Variants in NETO1 observed in about 807,000 individuals in gnomAD.
NETO1 encodes neuropilin and tolloid like 1, also known as neuropilin and tolloid-like protein 1.
NETO1 carries 26 observed loss-of-function variants against 61.3 expected under a neutral mutation model. The observed-to-expected ratio is 0.42, with a 90% CI of 0.31 to 0.59. The LOEUF (loss-of-function observed/expected upper bound fraction) is 0.59. NETO1 is among the 20% of genes least tolerant of loss of function. The pLI, the probability that NETO1 is intolerant of heterozygous loss-of-function variation, is 0.12. For synonymous variants in NETO1, 225 were observed against 225.8 expected (o/e 1.00, Z 0.03); for missense variants, 531 against 662.8 (o/e 0.80, Z 2.18).
intron 7 of NETO1, among the ~76,000 whole-genome samples, chr18:72,757,955 G>A (rs540066257): frequency 6.6e-6 from 1 of 152,180 alleles, no homozygotes; most frequent in East Asian, 1.9e-4. Flanking sequence ...TATACGTTTT[G>A]AAAGTATAAT....
intron 7 of NETO1, among the ~76,000 whole-genome samples, chr18:72,777,127 C>A (rs1164554107): frequency 6.6e-6 from 1 of 152,144 alleles, no homozygotes; most frequent in East Asian, 1.9e-4. Flanking sequence ...GCTCAAGAAT[C>A]ATTTTCTTGG....
intron 4 of NETO1, among the ~76,000 whole-genome samples, chr18:72,832,793 A>G (rs1200565414): frequency 6.6e-6 from 1 of 152,212 alleles, no homozygotes; most frequent in Non-Finnish European, 1.5e-5. Context: ...GTTGAGGTTT[A>G]TATGCATATT....
rs1198041575 is a variant in NETO1 at position 72,783,804 on chromosome 18, C to A, written c.742G>T (p.Ala248Ser). 6.2e-7 allele frequency: 1 copy of A among 1,614,102 alleles called. No homozygotes were observed. Among genetic ancestry groups the A allele is most frequent in the Non-Finnish European group, 8.5e-7 (1 of 1,180,044 alleles). Reference protein sequence around the residue: ...DGSSSVEDLKAKFCSTVANDV... With the variant: ...DGSSSVEDLKSKFCSTVANDV... ...TTAGCCACAGTGCTACAGAACTTAG[C>A]TTTCAAATCCTCCACGGAACTGCTT... is the stretch of plus-strand genomic sequence containing the variant. Residue 248 changes from alanine to serine, a missense_variant, in exon 7 of 11, where the codon GCT (alanine) becomes TCT (serine). Coordinates refer to ENST00000327305, the MANE Select transcript of NETO1 (RefSeq NM_138966.5).
At chr18:72,831,339 C>A (rs1255201468) in intron 4 of NETO1, among the ~76,000 whole-genome samples, 1 of 152,194 alleles carries the variant, frequency 6.6e-6, no homozygotes, top group African/African-American at 2.4e-5. Flanking sequence ...CATAGAATTA[C>A]AGTCTGGTGT....
intron 8 of NETO1, among the ~76,000 whole-genome samples, chr18:72,752,447 G>A (rs867054714): frequency 1.3e-5 from 2 of 152,172 alleles, no homozygotes; most frequent in Non-Finnish European, 2.9e-5. Flanking sequence ...GTCCAAGGCG[G>A]TGGCCTCTGT....
Position 72,794,359 on chromosome 18 carries a change from C to T in NETO1, c.511+4G>A. 1.2e-6 allele frequency: 2 copies of T among 1,612,720 alleles called. No homozygotes were observed. Among genetic ancestry groups the T allele is most frequent in the African/African-American group, 2.7e-5 (2 of 74,850 alleles). On this transcript the variant is annotated splice_donor_region_variant and intron_variant, in intron 5 of 10. Coordinates refer to ENST00000327305, the MANE Select transcript of NETO1 (RefSeq NM_138966.5). ...GAACAGTATTAAATATCTATTTTAC[C>T]AACCTGGTAATGGTTTCAAAGCTCC...
chr18:72,843,679 G>GA (rs1208970180), intron 4 of NETO1, among the ~76,000 whole-genome samples: 3 of 152,074 alleles, frequency 2.0e-5, no homozygotes, highest in East Asian at 1.9e-4. Flanking sequence ...CCATAATTCA[G>GA]AAAAAAACGT....
In NETO1 at chr18:72,743,801, T is replaced by A. The variant is rs2070376275; in HGVS notation, c.*4378A>T. 6.6e-6 allele frequency: 1 copy of A among 152,206 alleles called. No homozygotes were observed. Among genetic ancestry groups the A allele is most frequent in the Admixed American group, 6.5e-5 (1 of 15,274 alleles). 9.4% of individuals were successfully genotyped at this position (152,206 alleles called of 1,614,324 possible). On this transcript the variant is annotated 3_prime_UTR_variant, in exon 11 of 11. Transcript: ENST00000327305. ...GTTTTATTTTAAATAATTTATACAT[T>A]GTTTTCTGGTCATTTTTAAGTTTTG... is the stretch of plus-strand genomic sequence containing the variant.
chr18:72,824,001 C>A (rs745834607), intron 4 of NETO1, among the ~76,000 whole-genome samples: 1 of 152,180 alleles, frequency 6.6e-6, no homozygotes, highest in Admixed American at 6.5e-5. Flanking sequence ...GCCTGACTTG[C>A]GTTTTCAAAC....
chr18:72,772,857 A>C (rs1169602466), intron 7 of NETO1, among the ~76,000 whole-genome samples: 1,303 of 92,856 alleles, frequency 0.014, 58 homozygotes, highest in Middle Eastern at 0.03. Flanking sequence ...ATATATATAT[A>C]TATATATATA....
chr18:72,843,659 G>A (rs544379736), intron 4 of NETO1, among the ~76,000 whole-genome samples: 105 of 152,254 alleles, frequency 6.9e-4, no homozygotes, highest in Non-Finnish European at 1.2e-3. Flanking sequence ...CCTCAGGAAA[G>A]TAGCTACCGC....
At chr18:72,772,313 T>C (rs1003891383) in intron 7 of NETO1, among the ~76,000 whole-genome samples, 5 of 152,154 alleles carry the variant, frequency 3.3e-5, no homozygotes, top group African/African-American at 9.7e-5. Context: ...AGTGAACTGA[T>C]TGGGGACTGT....
At chr18:72,786,838 TC>T (rs1212636319) in intron 6 of NETO1, among the ~76,000 whole-genome samples, 2 of 151,316 alleles carry the variant, frequency 1.3e-5, no homozygotes, top group Non-Finnish European at 2.9e-5. Context: ...GATTTTTTTT[TC>T]AGATGACCTT....
intron 7 of NETO1, among the ~76,000 whole-genome samples, chr18:72,757,568 T>C (rs893695894): frequency 6.6e-6 from 1 of 152,092 alleles, no homozygotes; most frequent in South Asian, 2.1e-4. Flanking sequence ...AAAAAGCATA[T>C]AATAGTAATT....
chr18:72,781,305 A>G (rs545810533), intron 7 of NETO1, among the ~76,000 whole-genome samples: 1 of 152,318 alleles, frequency 6.6e-6, no homozygotes, highest in African/African-American at 2.4e-5. Context: ...CTGAATAAAT[A>G]TAGAACCCTG....
At chr18:72,756,630 C>T (rs1360124779) in intron 7 of NETO1, among the ~76,000 whole-genome samples, 1 of 151,882 alleles carries the variant, frequency 6.6e-6, no homozygotes, top group Non-Finnish European at 1.5e-5. Context: ...TACGAAAAAA[C>T]AAAATGCCAT....
chr18:72,800,004 G>C (rs1481128657), intron 4 of NETO1, among the ~76,000 whole-genome samples: 1 of 152,194 alleles, frequency 6.6e-6, no homozygotes, highest in African/African-American at 2.4e-5. Context: ...TGGAATTATG[G>C]GAGTGAACAA....
chr18:72,847,276 T>G (rs2074117474), intron 4 of NETO1, among the ~76,000 whole-genome samples: 1 of 152,226 alleles, frequency 6.6e-6, no homozygotes, highest in Admixed American at 6.5e-5. Context: ...GTAATCACTC[T>G]GTGATTCTTG....
chr18:72,758,645 C>T (rs9950425), intron 7 of NETO1, among the ~76,000 whole-genome samples: 1,984 of 151,990 alleles, frequency 0.013, 59 homozygotes, highest in African/African-American at 0.044. Flanking sequence ...GAGACCAACC[C>T]GGCCAACATG....
Sources: gnomAD v4.1 joint callset for allele counts (sites outside exome capture counted in the v4.1 genomes callset) on GRCh38, gnomAD v4.1.1 for gene constraint, MANE v1.5 for transcripts, NCBI Gene and HGNC (gene_info 2026-07-23, HGNC 2026-07-21) for gene names.